ANKRD35: variants seen among roughly 807,000 people sequenced by gnomAD.
ANKRD35 encodes ankyrin repeat domain 35, also known as ankyrin repeat domain-containing protein 35.
In ANKRD35, 102 loss-of-function variants were observed where a neutral mutation model predicts 109.9. The ratio of observed to expected loss-of-function variants is 0.93; its 90% CI spans 0.79 to 1.09. The LOEUF is 1.09. ANKRD35 is among the 50% of genes least tolerant of loss of function. The pLI is 0.00. For missense variants in ANKRD35, 1,240 were observed against 1,230.1 expected, an observed-to-expected ratio of 1.01 and a Z score of -0.12; for synonymous variants, 515 against 512.4, an observed-to-expected ratio of 1.01 and a Z score of -0.07.
chr1:145,875,470 C>T (rs1654032836), intron 7 of ANKRD35, among the ~76,000 whole-genome samples: 1 of 151,870 alleles, frequency 6.6e-6, no homozygotes, highest in South Asian at 2.1e-4. Context: ...AAATGCCATT[C>T]CTTAGAGCTG....
chr1:145,878,778 G>T (rs1050851268), intron 2 of ANKRD35, among the ~76,000 whole-genome samples: 2 of 152,198 alleles, frequency 1.3e-5, no homozygotes, highest in Admixed American at 6.5e-5. Context: ...CTTAGCGGAA[G>T]TGGAAGTGTC....
chr1:145,869,945 A>T (rs1653747631), intron 10 of ANKRD35, among the ~76,000 whole-genome samples: 1 of 152,192 alleles, frequency 6.6e-6, no homozygotes, highest in African/African-American at 2.4e-5. Flanking sequence ...ACTGACCACT[A>T]AGGGAAATGG....
At position 145,872,157 on chromosome 1, in the gene ANKRD35, C is replaced by A. The variant is rs1212527545; in HGVS notation, c.2612G>T (p.Arg871Leu). ...GCGGCGCTCCTCGGCCACCGCCTCCCGCAGCCGACCCACTTCCCGGCAGGC... is the reference window on the plus strand; with the variant it reads ...GCGGCGCTCCTCGGCCACCGCCTCCAGCAGCCGACCCACTTCCCGGCAGGC... Reference protein sequence around the residue: ...NTACREVGRLREAVAEERRRS... With the variant: ...NTACREVGRLLEAVAEERRRS... The change falls in exon 10 of 14, where the codon CGG becomes CTG. Residue 871 changes from arginine (R) to leucine (L), a missense_variant. Transcript: ENST00000355594. 6.2e-7 allele frequency: 1 copy of A among 1,609,476 alleles called. No individual in the cohort carries two copies. Among genetic ancestry groups the A allele is most frequent in the Non-Finnish European group, 8.5e-7 (1 of 1,178,094 alleles).
At position 145,873,871 on chromosome 1, in the gene ANKRD35, A is replaced by G. The variant is rs79240311; in HGVS notation, c.898T>C (p.Trp300Arg). The G allele has an allele frequency of 6.2e-7, 1 of 1,612,992 alleles. No homozygotes were observed. The highest frequency in any genetic ancestry group is 8.5e-7 in the Non-Finnish European group (1 of 1,179,738). The change falls in exon 10 of 14, where the codon TGG (tryptophan) becomes CGG (arginine). Residue 300 changes from tryptophan to arginine, a missense_variant. Physicochemically the swap from Trp to Arg is moderately radical, Grantham distance 101. Transcript: ENST00000355594. ...DEDPCSEEWR[W>R]KYEEERRKVV... is the part of the protein sequence containing the mutation. ...TTCCTCCGCTCCTCTTCATACTTCC[A>G]CCTCCACTCCTCCGAGCACGGGTCT...
chr1:145,880,844 C>A (rs1052604414), intron 1 of ANKRD35, among the ~76,000 whole-genome samples: 1 of 152,218 alleles, frequency 6.6e-6, no homozygotes, highest in African/African-American at 2.4e-5. Context: ...TTCTCACAGT[C>A]CTTTCACATG....
At position 145,873,983 on chromosome 1, in the gene ANKRD35, G is replaced by A; in HGVS notation, c.786C>T (p.Ala262=). 6.2e-7 allele frequency: 1 copy of A among 1,613,674 alleles called. No homozygotes were observed. Reference sequence around the variant, plus strand: ...AACCTGCCTGGGGCTCAGATGGAGAGGCCTATGTTGGAAACAGAATAGTAA... The same window carrying A: ...AACCTGCCTGGGGCTCAGATGGAGAAGCCTATGTTGGAAACAGAATAGTAA... ...LVQHPDLASQ[A]SPSEPQAGSP... is the part of the protein sequence containing the mutation. Residue 262 remains alanine (A), a splice_region_variant and synonymous_variant, in exon 10 of 14, where the codon GCC becomes GCT. Transcript: ENST00000355594.
rs782253954 is a variant in ANKRD35, at chr1:145,881,949, C to CTTTTT, written c.40-2566_40-2562dup. 1.1e-3 allele frequency among the ~76,000 whole-genome samples: 117 copies of CTTTTT among 104,636 alleles called. 1 individual carries two copies. Among genetic ancestry groups the CTTTTT allele is most frequent in the African/African-American group, 1.6e-3 (42 of 26,490 alleles). The allele number at this position is 104,636 out of a possible 152,430, so 68.6% of individuals were successfully genotyped here. ...AATATAGATACTTTTCTTTCCCCTTCTTTTTTTTTTTTTTTTTTTTTTTGA... is the reference window on the plus strand; with the variant it reads ...AATATAGATACTTTTCTTTCCCCTTCTTTTTTTTTTTTTTTTTTTTTTTTTTTTGA... On this transcript the variant is annotated intron_variant, in intron 1 of 13. Coordinates refer to ENST00000355594, the MANE Select transcript of ANKRD35 (RefSeq NM_144698.5).
At chr1:145,868,601 A>C (rs1255858448) in intron 10 of ANKRD35, among the ~76,000 whole-genome samples, 1 of 152,238 alleles carries the variant, frequency 6.6e-6, no homozygotes, top group Non-Finnish European at 1.5e-5. Context: ...TAAGGTCACA[A>C]ACTTCGGTGA....
At position 145,866,581 on chromosome 1, in the gene ANKRD35, T is replaced by C. The variant is rs1653613217; in HGVS notation, c.*228A>G. The C allele has an allele frequency of 6.6e-6, 1 of 152,182 alleles. No homozygotes were observed. Among genetic ancestry groups the C allele is most frequent in the Non-Finnish European group, 1.5e-5 (1 of 68,070 alleles). The allele number at this position is 152,182 out of a possible 1,614,324, so 9.4% of individuals were successfully genotyped here. A position where few individuals can be genotyped will look rare whatever the true frequency, so the allele number is the denominator to read the frequency against. ...CAGCCCCGTCCTGCCTCATGCTTTATTTTCCATAGAGCTTGTTTCCATCCA... is the reference window on the plus strand; with the variant it reads ...CAGCCCCGTCCTGCCTCATGCTTTACTTTCCATAGAGCTTGTTTCCATCCA... On this transcript the variant is annotated 3_prime_UTR_variant, in exon 14 of 14. Coordinates refer to ENST00000355594, the MANE Select transcript of ANKRD35 (RefSeq NM_144698.5).
Position 145,872,387 on chromosome 1 carries a change from C to G in ANKRD35, c.2382G>C (p.Arg794=), listed in dbSNP as rs782216832. The stretch of plus-strand genomic sequence containing the variant: ...TCCCGCTCATCGTGGCCTGAACTGC[C>G]CGCAGCTCTTCCTCCAGCTTCCCCA... ...QDLGKLEEEL[R]AVQATMSGKS... Residue 794 remains arginine, a synonymous_variant, in exon 10 of 14, where the codon CGG becomes CGC. Transcript: ENST00000355594. 1 of 1,613,142 alleles carries G rather than the reference C, an allele frequency of 6.2e-7. No homozygotes were observed. Among genetic ancestry groups the G allele is most frequent in the South Asian group, 1.1e-5 (1 of 91,030 alleles).
At chr1:145,867,939 C>T (rs782424994) in intron 12 of ANKRD35, 52 bp downstream of exon 12, 9 of 1,564,414 alleles carry the variant, frequency 5.8e-6, no homozygotes, top group Non-Finnish European at 7.9e-6. Flanking sequence ...AAATGCAATA[C>T]CCTATACTCA....
rs782119365 is a variant in ANKRD35, at chr1:145,868,401, C to G, written c.2788-1G>C. On this transcript the variant is annotated splice_acceptor_variant, in intron 10 of 13. Transcript: ENST00000355594. LOFTEE classifies it high-confidence loss of function. Reference sequence around the variant, plus strand: ...CCAGCTTCTTCAACAACTCCTTGATCTGAGGCCAAGAGGAAAGAGGCAACC... The same window carrying G: ...CCAGCTTCTTCAACAACTCCTTGATGTGAGGCCAAGAGGAAAGAGGCAACC... The G allele has an allele frequency of 6.2e-7, 1 of 1,614,040 alleles. No individual in the cohort carries two copies. The highest frequency in any genetic ancestry group is 1.3e-5 in the African/African-American group (1 of 74,922).
rs375460193 is a variant in ANKRD35, at chr1:145,875,004, G to A, written c.563C>T (p.Ser188Leu). ...RVNVTDKNDK[S>L]ALILACEKGS... ...TTTCTCACAGGCCAGGATCAAAGCC[G>A]ATCTGTGGGTTGAGACAAATCTGAG... The change falls in exon 8 of 14, where the codon TCG (serine) becomes TTG (leucine). Residue 188 changes from serine (S) to leucine (L), a missense_variant and splice_region_variant. By Grantham distance (145) the Ser-to-Leu change is moderately radical. Transcript: ENST00000355594. 2.7e-5 allele frequency: 43 copies of A among 1,596,598 alleles called. No homozygotes were observed. The highest frequency in any genetic ancestry group is 4.5e-5 in the South Asian group (4 of 88,398).
rs1653882084 is a variant in ANKRD35 at position 145,872,637 on chromosome 1, T to C, written c.2132A>G (p.Asp711Gly). The C allele has an allele frequency of 6.2e-7, 1 of 1,614,028 alleles. No individual in the cohort carries two copies. Among genetic ancestry groups the C allele is most frequent in the African/African-American group, 1.3e-5 (1 of 75,048 alleles). The change falls in exon 10 of 14, where the codon GAC becomes GGC. Residue 711 changes from aspartate (D) to glycine (G), a missense_variant. Transcript: ENST00000355594. Reference sequence around the variant, plus strand: ...TTGTGCACTCCTCTCGCCCACTAGGTCTGCGGGCAGGCAGTCCCACAGCCC... The same window carrying C: ...TTGTGCACTCCTCTCGCCCACTAGGCCTGCGGGCAGGCAGTCCCACAGCCC... ...LRGLWDCLPA[D>G]LVGERSAQSK...
intron 1 of ANKRD35, among the ~76,000 whole-genome samples, chr1:145,884,193 G>C (rs932798758): frequency 1.3e-5 from 2 of 152,314 alleles, no homozygotes; most frequent in Non-Finnish European, 2.9e-5. Flanking sequence ...CAGTAACTAA[G>C]GAAGAGTCCA....
Position 145,868,355 on chromosome 1 carries a change from G to A in ANKRD35, c.2833C>T (p.Leu945=), listed in dbSNP as rs1346355911. 3.1e-6 allele frequency: 5 copies of A among 1,614,056 alleles called. No homozygotes were observed. Among genetic ancestry groups the A allele is most frequent in the Non-Finnish European group, 4.2e-6 (5 of 1,180,042 alleles). ...CGAGCATTTTCTCCCCGAATTGCTA[G>A]AACCTCTTCTGAAAGCTGCTCCAGC... ...KKLEQLSEEV[L]AIRGENARLA... is the part of the protein sequence containing the mutation. Residue 945 remains leucine (L), a synonymous_variant, in exon 11 of 14, where the codon CTA becomes TTA. Transcript: ENST00000355594.
intron 7 of ANKRD35, 148 bp downstream of exon 7, chr1:145,875,992 T>C (rs1438451280): frequency 6.2e-6 from 4 of 641,336 alleles, no homozygotes; most frequent in African/African-American, 5.5e-5. Context: ...GAACCTCCAC[T>C]GGGAAGGAAT....
intron 4 of ANKRD35, 109 bp downstream of exon 4, chr1:145,877,859 T>A: frequency 2.9e-6 from 3 of 1,025,570 alleles, no homozygotes; most frequent in Non-Finnish European, 4.5e-6. Context: ...CTATTGGGGA[T>A]GAGGCGAGTA....
chr1:145,867,473 C>A, intron 12 of ANKRD35, 81 bp from the exon 13 acceptor site: 1 of 1,194,108 alleles, frequency 8.4e-7, no homozygotes, highest in Non-Finnish European at 1.2e-6. Flanking sequence ...TTCTGTGGTA[C>A]AGTGGAAGGC....
Sources: gnomAD v4.1 joint callset for allele counts (sites outside exome capture counted in the v4.1 genomes callset) on GRCh38, gnomAD v4.1.1 for gene constraint, MANE v1.5 for transcripts, NCBI Gene and HGNC (gene_info 2026-07-23, HGNC 2026-07-21) for gene names.